The following SAMMSON variants were observed in gnomAD, a reference collection of about 807,000 sequenced individuals.
SAMMSON encodes long intergenic non-protein coding RNA 1212.
intron 6 of SAMMSON, among the ~76,000 whole-genome samples, chr3:70,259,541 T>A (rs184973398): frequency 1.8e-4 from 27 of 152,288 alleles, no homozygotes; most frequent in Admixed American, 1.1e-3. Context: ...ATCAGAGCCA[T>A]GCAGGGCTTT....
intron 7 of SAMMSON, among the ~76,000 whole-genome samples, chr3:70,323,300 C>T (rs1296932193): frequency 6.6e-6 from 1 of 152,098 alleles, no homozygotes; most frequent in East Asian, 1.9e-4. Flanking sequence ...TACTAAGTGG[C>T]AGGCCTTAGT....
chr3:69,999,820 G>T (rs1237577985), upstream of SAMMSON: 1 of 152,456 alleles, frequency 6.6e-6, no homozygotes, highest in East Asian at 1.9e-4. Flanking sequence ...CCCGCTGGGG[G>T]AAGAGCACAC....
intron 2 of SAMMSON, among the ~76,000 whole-genome samples, chr3:70,431,043 G>C (rs940364131): frequency 1.1e-4 from 17 of 151,992 alleles, no homozygotes; most frequent in African/African-American, 4.1e-4. Context: ...TGGTTTCTTA[G>C]AGAATTATTT....
chr3:70,379,942 G>A (rs968176916), intron 9 of SAMMSON, among the ~76,000 whole-genome samples: 6 of 151,988 alleles, frequency 3.9e-5, no homozygotes, highest in Non-Finnish European at 8.8e-5. Context: ...AGGGAATAAG[G>A]CAATGGAAGT....
intron 4 of SAMMSON, among the ~76,000 whole-genome samples, chr3:70,114,401 G>A (rs978892558): frequency 1.3e-5 from 2 of 152,064 alleles, no homozygotes; most frequent in African/African-American, 4.8e-5. Flanking sequence ...TCTCTTTGTC[G>A]ACAGAGTAAA....
chr3:70,389,339 G>T (rs191833825), intron 9 of SAMMSON, among the ~76,000 whole-genome samples: 1 of 152,066 alleles, frequency 6.6e-6, no homozygotes, highest in African/African-American at 2.4e-5. Context: ...AAGAAGATGG[G>T]GAGGGAGAGT....
chr3:70,058,832 T>C (rs1170411277), intron 3 of SAMMSON, among the ~76,000 whole-genome samples: 1 of 152,076 alleles, frequency 6.6e-6, no homozygotes, highest in Non-Finnish European at 1.5e-5. Flanking sequence ...GTTTAACAAA[T>C]CAAGTCAGAG....
intron 4 of SAMMSON, among the ~76,000 whole-genome samples, chr3:70,086,840 AT>A (rs1377899853): frequency 1.3e-5 from 2 of 152,146 alleles, no homozygotes; most frequent in Non-Finnish European, 2.9e-5. Context: ...GTCCTCAGTA[AT>A]TTACACATGT....
chr3:70,034,429 A>T (rs2067077857), intron 3 of SAMMSON, among the ~76,000 whole-genome samples: 1 of 152,188 alleles, frequency 6.6e-6, no homozygotes, highest in Non-Finnish European at 1.5e-5. Context: ...ACTGCCATTG[A>T]TAAGAGCCAA....
At chr3:70,081,549 T>C (rs894304583) in intron 4 of SAMMSON, among the ~76,000 whole-genome samples, 1 of 152,230 alleles carries the variant, frequency 6.6e-6, no homozygotes, top group Non-Finnish European at 1.5e-5. Flanking sequence ...ACCTTGTGCA[T>C]GGCAGGCACT....
At chr3:70,321,485 C>A (rs1031300862) in intron 7 of SAMMSON, among the ~76,000 whole-genome samples, 1 of 151,938 alleles carries the variant, frequency 6.6e-6, no homozygotes, top group Non-Finnish European at 1.5e-5. Context: ...CATCCATTCC[C>A]GTTAATGGAT....
At chr3:70,068,967 G>A (rs1172422155) in intron 3 of SAMMSON, 1 of 152,056 alleles carries the variant, frequency 6.6e-6, no homozygotes, top group African/African-American at 2.4e-5. Context: ...TTAACCCAAA[G>A]CACATTGGAA....
At chr3:70,289,291 A>T (rs1214603628) in intron 6 of SAMMSON, among the ~76,000 whole-genome samples, 1 of 151,046 alleles carries the variant, frequency 6.6e-6, no homozygotes, top group Non-Finnish European at 1.5e-5. Flanking sequence ...CTTGTCTGTA[A>T]AGTATTTTAT....
intron 4 of SAMMSON, among the ~76,000 whole-genome samples, chr3:70,124,728 T>C (rs996481497): frequency 7.3e-6 from 1 of 136,188 alleles, no homozygotes; most frequent in African/African-American, 2.8e-5. Flanking sequence ...GGCAGGAGAA[T>C]GGCGTGAACC....
chr3:70,416,199 T>C (rs930361030), intron 2 of SAMMSON, among the ~76,000 whole-genome samples: 1 of 152,230 alleles, frequency 6.6e-6, no homozygotes, highest in Non-Finnish European at 1.5e-5. Flanking sequence ...CCAACATTGA[T>C]GGAGATGAGC....
At position 70,064,016 on chromosome 3, in the gene SAMMSON, TA is replaced by T. The variant is rs569511895; in HGVS notation, n.418-7459del. Among the ~76,000 whole-genome samples the T allele has an allele frequency of 2.5e-3, 385 of 152,268 alleles. 5 individuals carry two copies. Among genetic ancestry groups the T allele is most frequent in the Non-Finnish European group, 4.3e-3 (291 of 68,004 alleles). ...CACTTCTTGTCTGGGCTATTCAGAA[TA>T]CATCCACTTTACATTTCATGATTAT... On this transcript the variant is annotated intron_variant and non_coding_transcript_variant, in intron 3 of 9. Coordinates refer to ENST00000642114, the Ensembl canonical transcript of SAMMSON.
chr3:70,012,811 A>G (rs144248094), intron 2 of SAMMSON, among the ~76,000 whole-genome samples: 1 of 152,034 alleles, frequency 6.6e-6, no homozygotes, highest in Non-Finnish European at 1.5e-5. Flanking sequence ...TGCTGTGGCA[A>G]AGTTTTCTGT....
chr3:70,037,667 G>A (rs1167009518), intron 3 of SAMMSON, among the ~76,000 whole-genome samples: 1 of 152,036 alleles, frequency 6.6e-6, no homozygotes, highest in Non-Finnish European at 1.5e-5. Flanking sequence ...CTGTCACTTG[G>A]GAAGAAGACT....
intron 4 of SAMMSON, among the ~76,000 whole-genome samples, chr3:70,228,972 C>T (rs1049979242): frequency 4.6e-5 from 7 of 152,032 alleles, no homozygotes; most frequent in South Asian, 2.1e-4. Flanking sequence ...TGAAGAAACA[C>T]GGAGAATACC....
Sources: allele counts gnomAD v4.1 joint callset (sites outside exome capture counted in the v4.1 genomes callset), GRCh38; gene constraint gnomAD v4.1.1; transcripts MANE v1.5; gene names NCBI Gene and HGNC (gene_info 2026-07-23, HGNC 2026-07-21).